The following SLC19A1 variants were observed in gnomAD, a reference collection of about 807,000 sequenced individuals.
The protein encoded by SLC19A1 is reduced folate transporter.
A neutral mutation model predicts 35.3 loss-of-function variants in SLC19A1; 37 were observed. The observed-to-expected ratio is 1.05, with a 90% CI of 0.81 to 1.38. The LOEUF is 1.38. SLC19A1 is among the 40% of genes most tolerant of loss of function. The pLI is 0.00. For synonymous variants in SLC19A1, 460 were observed against 398.5 expected (o/e 1.15, Z -1.84); for missense variants, 831 against 826.9 (o/e 1.00, Z -0.06).
rs1399884367 is a variant in SLC19A1 at position 45,537,897 on chromosome 21, C to T, written c.63G>A (p.Glu21=). The T allele has an allele frequency of 1.3e-6, 2 of 1,598,394 alleles. No individual in the cohort carries two copies. Among genetic ancestry groups the T allele is most frequent in the Non-Finnish European group, 1.7e-6 (2 of 1,175,532 alleles). The change falls in exon 2 of 6, where the codon GAG becomes GAA. Residue 21 remains glutamate, a synonymous_variant. Coordinates refer to ENST00000311124, the MANE Select transcript of SLC19A1 (RefSeq NM_194255.4). The part of the protein sequence containing the change: ...QVPVEPGPDP[E]LRSWRHLVCY... ...ACACGAGGTGCCGCCAGGACCGGAG[C>T]TCGGGGTCAGGCCCAGGTTCCACGG...
At chr21:45,557,127 G>A (rs1268844889) in intron 1 of SLC19A1, among the ~76,000 whole-genome samples, 2 of 152,186 alleles carry the variant, frequency 1.3e-5, no homozygotes, top group African/African-American at 4.8e-5. Flanking sequence ...TTGCACAATG[G>A]CACCCGCTGC....
downstream of SLC19A1, chr21:45,511,253 C>CT (rs765645569): frequency 3.1e-6 from 4 of 1,279,998 alleles, no homozygotes; most frequent in Non-Finnish European, 4.5e-6. Context: ...GTGTGAGCAG[C>CT]TCTGAGAGCC....
At chr21:45,512,192 C>CA, downstream of SLC19A1, 1 of 1,612,100 alleles carries the variant, frequency 6.2e-7, no homozygotes, top group Non-Finnish European at 8.5e-7. Flanking sequence ...TTACAGGCCC[C>CA]AGAAGAGCGT....
At chr21:45,560,912 C>T (rs935896589) in intron 1 of SLC19A1, among the ~76,000 whole-genome samples, 3 of 152,180 alleles carry the variant, frequency 2.0e-5, no homozygotes, top group Non-Finnish European at 2.9e-5. Context: ...TCACGGCTGG[C>T]GGAGGGAATG....
At chr21:45,504,083 C>A in intron 3 of SLC19A1, 1 of 1,611,462 alleles carries the variant, frequency 6.2e-7, no homozygotes. Context: ...GGGTTGGGGG[C>A]CCCCAAGGTC....
At chr21:45,503,977 C>T (rs1446733382) in intron 3 of SLC19A1, 2 of 1,612,856 alleles carry the variant, frequency 1.2e-6, no homozygotes, top group Non-Finnish European at 1.7e-6. Flanking sequence ...TCAGACACCA[C>T]CTCAGCGAGA....
intron 1 of SLC19A1, among the ~76,000 whole-genome samples, chr21:45,556,375 C>T (rs1356403165): frequency 6.6e-6 from 1 of 152,244 alleles, no homozygotes; most frequent in Admixed American, 6.5e-5. Flanking sequence ...TGCTCTGAGC[C>T]AGACCCGCTC....
chr21:45,507,401 C>G, intron 3 of SLC19A1: 1 of 604,870 alleles, frequency 1.7e-6, no homozygotes, highest in Non-Finnish European at 2.7e-6. Flanking sequence ...GGAGCGTACC[C>G]TGGCACAGGC....
rs201512613 is a variant in SLC19A1 at position 45,513,546 on chromosome 21, C to T, written c.*2112G>A. 6.6e-6 allele frequency: 1 copy of T among 151,932 alleles called. No individual in the cohort carries two copies. The highest frequency in any genetic ancestry group is 1.5e-5 in the Non-Finnish European group (1 of 67,986). The allele number at this position is 151,932 out of a possible 1,614,324, so 9.4% of individuals were successfully genotyped here. On this transcript the variant is annotated 3_prime_UTR_variant, in exon 6 of 6. Transcript: ENST00000311124. ...CCCCTGAGATCCGGCAACATCAACC[C>T]GAGTCATTCGTTCTGTGGAGGGACA... is the stretch of plus-strand genomic sequence containing the variant.
At chr21:45,529,917 G>C (rs2077802971) in intron 4 of SLC19A1, among the ~76,000 whole-genome samples, 1 of 149,654 alleles carries the variant, frequency 6.7e-6, no homozygotes, top group African/African-American at 2.5e-5. Context: ...GTGTGTCCCT[G>C]TGAGTGTGTG....
At chr21:45,505,711 C>A in intron 3 of SLC19A1, 1 of 801,384 alleles carries the variant, frequency 1.2e-6, no homozygotes, top group South Asian at 1.5e-5. Context: ...GGGGCAGCCG[C>A]CTCAGTCCAC....
At chr21:45,506,107 G>C in intron 3 of SLC19A1, 1 of 1,338,982 alleles carries the variant, frequency 7.5e-7, no homozygotes, top group Admixed American at 1.9e-5. Flanking sequence ...TCAAACTTTT[G>C]GTAAAGTTTA....
upstream of SLC19A1, among the ~76,000 whole-genome samples, chr21:45,545,482 C>T (rs2078404788): frequency 6.6e-6 from 1 of 151,932 alleles, no homozygotes; most frequent in African/African-American, 2.4e-5. Context: ...CAGATGCTGG[C>T]ACCATGCTTC....
chr21:45,521,761 G>A (rs2077444991), intron 5 of SLC19A1, among the ~76,000 whole-genome samples: 1 of 152,144 alleles, frequency 6.6e-6, no homozygotes, highest in Non-Finnish European at 1.5e-5. Flanking sequence ...TCAATGGGGA[G>A]AGCTAAGTCT....
intron 3 of SLC19A1, chr21:45,504,497 CTGCCCGG>C (rs1422595629): frequency 4.6e-6 from 7 of 1,516,330 alleles, no homozygotes; most frequent in Admixed American, 4.1e-5. Flanking sequence ...CGGCTCCAGC[CTGCCCGG>C]CCCCCCCGGC....
rs2146163459 is a variant in SLC19A1, at chr21:45,513,096, A to C, written c.*2562T>G. 6.5e-6 allele frequency: 1 copy of C among 154,610 alleles called. No individual in the cohort carries two copies. Among genetic ancestry groups the C allele is most frequent in the Admixed American group, 6.4e-5 (1 of 15,740 alleles). 9.6% of individuals were successfully genotyped at this position (154,610 alleles called of 1,614,324 possible). A position where few individuals can be genotyped will look rare whatever the true frequency, so the allele number is the denominator to read the frequency against. ...GCTGGCCTCCCAAATGAGCCATGAG[A>C]TGATACATCCAAAGCAGACAGCTCC... On this transcript the variant is annotated 3_prime_UTR_variant, in exon 6 of 6. Transcript: ENST00000311124.
chr21:45,554,645 T>G (rs1401049190), intron 1 of SLC19A1, among the ~76,000 whole-genome samples: 3 of 146,510 alleles, frequency 2.0e-5, no homozygotes, highest in African/African-American at 7.7e-5. Context: ...CGTGGAAACT[T>G]CCTTTCAGGC....
chr21:45,551,109 G>A (rs1369437347), intron 1 of SLC19A1, among the ~76,000 whole-genome samples: 2 of 151,392 alleles, frequency 1.3e-5, no homozygotes, highest in Admixed American at 6.6e-5. Context: ...TTTCTTTCAA[G>A]GAACTACCTT....
chr21:45,510,469 C>A (rs1033170458), downstream of SLC19A1, among the ~76,000 whole-genome samples: 1 of 152,180 alleles, frequency 6.6e-6, no homozygotes, highest in African/African-American at 2.4e-5. Flanking sequence ...GGCACTGCCA[C>A]GTCCCCCAGG....
Sources: gnomAD v4.1 joint callset for allele counts (sites outside exome capture counted in the v4.1 genomes callset) on GRCh38, gnomAD v4.1.1 for gene constraint, MANE v1.5 for transcripts, NCBI Gene and HGNC (gene_info 2026-07-23, HGNC 2026-07-21) for gene names.